SHC4: variants seen among roughly 807,000 people sequenced by gnomAD.
SHC4 encodes SHC-transforming protein 4.
In SHC4, 41 loss-of-function variants were observed where a neutral mutation model predicts 69.4. That is an observed-to-expected ratio of 0.59 (90% CI 0.46 to 0.77). The LOEUF is 0.77. Ranked by LOEUF, SHC4 falls within the 30% of genes least tolerant of loss-of-function variation. SHC4 has a pLI of 0.00. For synonymous variants in SHC4, 318 were observed against 299.3 expected (o/e 1.06, Z -0.64); for missense variants, 777 against 783.8 (o/e 0.99, Z 0.10).
At chr15:48,900,052 T>C (rs1220587956) in intron 2 of SHC4, among the ~76,000 whole-genome samples, 3 of 152,202 alleles carry the variant, frequency 2.0e-5, no homozygotes, top group Non-Finnish European at 4.4e-5. Flanking sequence ...GGTCACCTCT[T>C]CCTAGAGGCT....
At chr15:48,912,270 C>T (rs993177018) in intron 2 of SHC4, among the ~76,000 whole-genome samples, 2 of 152,012 alleles carry the variant, frequency 1.3e-5, no homozygotes, top group African/African-American at 4.8e-5. Flanking sequence ...TTGGAGGCTT[C>T]ACTCATATTT....
chr15:48,951,535 C>T (rs191019600), intron 1 of SHC4, among the ~76,000 whole-genome samples: 164 of 152,232 alleles, frequency 1.1e-3, no homozygotes, highest in African/African-American at 3.9e-3. Flanking sequence ...AGGTACTATA[C>T]AACCTTGTTG....
At chr15:48,860,589 C>T (rs1003296632) in intron 6 of SHC4, among the ~76,000 whole-genome samples, 36 of 151,976 alleles carry the variant, frequency 2.4e-4, no homozygotes, top group African/African-American at 8.7e-4. Context: ...ACAATTTTTG[C>T]AATTTTATTT....
At chr15:48,877,976 C>CATTA in intron 4 of SHC4, 1 of 559,512 alleles carries the variant, frequency 1.8e-6, no homozygotes, top group Non-Finnish European at 3.0e-6. Context: ...AAACGTAGCT[C>CATTA]AAAAGGCGAC....
At chr15:48,940,433 G>A (rs8032738) in intron 1 of SHC4, among the ~76,000 whole-genome samples, 2,863 of 152,212 alleles carry the variant, frequency 0.019, 80 homozygotes, top group African/African-American at 0.066. Flanking sequence ...TCGAGTTTCA[G>A]TTTAATTAAA....
At chr15:48,934,554 A>C (rs1189450243) in intron 1 of SHC4, among the ~76,000 whole-genome samples, 1 of 152,194 alleles carries the variant, frequency 6.6e-6, no homozygotes, top group South Asian at 2.1e-4. Context: ...CAAACAGTTA[A>C]ACATAGAATT....
At chr15:48,842,516 C>T (rs1544877) in intron 10 of SHC4, among the ~76,000 whole-genome samples, 51,454 of 152,092 alleles carry the variant, frequency 0.34, 10,196 homozygotes, top group Middle Eastern at 0.47. Flanking sequence ...AAGCTCTAAT[C>T]GATATTAACT....
At chr15:48,922,933 AG>A (rs1349158174) in intron 2 of SHC4, among the ~76,000 whole-genome samples, 2 of 152,234 alleles carry the variant, frequency 1.3e-5, no homozygotes, top group Non-Finnish European at 2.9e-5. Flanking sequence ...GAAGATTTAA[AG>A]GGGAGAAGAA....
chr15:48,885,994 C>T (rs1435152747), intron 3 of SHC4, among the ~76,000 whole-genome samples: 1 of 152,222 alleles, frequency 6.6e-6, no homozygotes, highest in African/African-American at 2.4e-5. Flanking sequence ...TGCGGTGGCT[C>T]ACGCCTGTAA....
chr15:48,895,071 C>T (rs1231052710), intron 2 of SHC4, among the ~76,000 whole-genome samples: 1 of 152,032 alleles, frequency 6.6e-6, no homozygotes, highest in Non-Finnish European at 1.5e-5. Flanking sequence ...TCCCAAAGTG[C>T]TGGGATTAGA....
chr15:48,928,637 A>G (rs1900899229), intron 1 of SHC4, among the ~76,000 whole-genome samples: 1 of 152,184 alleles, frequency 6.6e-6, no homozygotes, highest in Admixed American at 6.5e-5. Context: ...GAATTCCTCC[A>G]CGGTGTCGTT....
chr15:48,933,187 T>G (rs1434682482), intron 1 of SHC4, among the ~76,000 whole-genome samples: 1 of 152,142 alleles, frequency 6.6e-6, no homozygotes, highest in African/African-American at 2.4e-5. Flanking sequence ...CAGTCCCTCG[T>G]TACCATCTGG....
intron 6 of SHC4, among the ~76,000 whole-genome samples, chr15:48,867,403 C>G (rs1489134639): frequency 6.6e-6 from 1 of 152,078 alleles, no homozygotes; most frequent in Non-Finnish European, 1.5e-5. Flanking sequence ...AATACAGGCT[C>G]TTGAACAGCA....
At chr15:48,836,705 G>A (rs571435329) in intron 10 of SHC4, among the ~76,000 whole-genome samples, 5 of 152,204 alleles carry the variant, frequency 3.3e-5, no homozygotes, top group Admixed American at 2.0e-4. Flanking sequence ...ATTTACACAC[G>A]ATCATCCCAT....
At chr15:48,878,414 A>G (rs772982315) in intron 4 of SHC4, 176 of 1,612,066 alleles carry the variant, frequency 1.1e-4, no homozygotes, top group Non-Finnish European at 1.4e-4. Flanking sequence ...TAACGGGCCC[A>G]ACGCTGGGGA....
intron 2 of SHC4, among the ~76,000 whole-genome samples, chr15:48,906,065 G>A (rs552312640): frequency 1.1e-4 from 16 of 152,222 alleles, no homozygotes; most frequent in Non-Finnish European, 2.1e-4. Flanking sequence ...GTCATGGAAC[G>A]AAAACTATGA....
chr15:48,855,812 A>T, intron 8 of SHC4, 141 bp downstream of exon 8: 1 of 820,390 alleles, frequency 1.2e-6, no homozygotes, highest in Non-Finnish European at 1.9e-6. Flanking sequence ...GTAGCCTCTG[A>T]CAGTTATTCA....
chr15:48,920,285 T>C (rs1445041901), intron 2 of SHC4, among the ~76,000 whole-genome samples: 1 of 151,990 alleles, frequency 6.6e-6, no homozygotes, highest in African/African-American at 2.4e-5. Flanking sequence ...CCTCCCAAAG[T>C]GCTGGGATTA....
At chr15:48,924,998 G>T (rs1900825479) in intron 1 of SHC4, 49 bp from the exon 2 acceptor site, 13 of 1,600,400 alleles carry the variant, frequency 8.1e-6, no homozygotes, top group African/African-American at 5.4e-5. Flanking sequence ...ATTCCAAGAA[G>T]CTGTCTCTTA....
Sources: allele counts gnomAD v4.1 joint callset (sites outside exome capture counted in the v4.1 genomes callset), GRCh38; gene constraint gnomAD v4.1.1; transcripts MANE v1.5; gene names NCBI Gene and HGNC (gene_info 2026-07-23, HGNC 2026-07-21).